Variants in CASZ1 observed in about 807,000 individuals in gnomAD.
The protein encoded by CASZ1 is castor zinc finger 1.
Under a neutral mutation model 135.2 loss-of-function variants are expected in CASZ1, and 28 were observed. The observed-to-expected ratio is 0.21, with a 90% CI of 0.15 to 0.28. CASZ1 has a LOEUF of 0.28. Among genes scored for constraint, CASZ1 ranks in the 10% least tolerant of loss-of-function variants. The pLI is 1.00. For missense variants in CASZ1, 2,161 were observed against 2,453.3 expected, an observed-to-expected ratio of 0.88 and a Z score of 2.52; for synonymous variants, 1,068 against 1,073.4, an observed-to-expected ratio of 0.99 and a Z score of 0.10.
intron 4 of CASZ1, among the ~76,000 whole-genome samples, chr1:10,667,029 G>A (rs1643257990): frequency 6.6e-6 from 1 of 152,210 alleles, no homozygotes. Context: ...GGAAGGCTGA[G>A]GGCAGGGCCC....
Position 10,640,027 on chromosome 1 carries a change from C to A in CASZ1, c.4195G>T (p.Ala1399Ser). ...NTISMPTASGAKKRFWIIEDM... is the reference protein window; with the variant it reads ...NTISMPTASGSKKRFWIIEDM... Reference sequence around the variant, plus strand: ...TCGATGATCCAGAAGCGCTTTTTGGCCCCCGAGGCTGTCGGCATAGAGATG... The same window carrying A: ...TCGATGATCCAGAAGCGCTTTTTGGACCCCGAGGCTGTCGGCATAGAGATG... The change falls in exon 21 of 21, where the codon GCC becomes TCC. Residue 1399 changes from alanine to serine, a missense_variant. Around this residue, in one of 7 missense-constraint regions of CASZ1, gnomAD observed 143 missense variants for 128.3 expected, o/e 1.11. Coordinates refer to ENST00000377022, the MANE Select transcript of CASZ1 (RefSeq NM_001079843.3). The A allele has an allele frequency of 6.2e-7, 1 of 1,610,204 alleles. No homozygotes were observed. Among genetic ancestry groups the A allele is most frequent in the Non-Finnish European group, 8.5e-7 (1 of 1,179,694 alleles).
In CASZ1 at chr1:10,673,431, G is replaced by A. The variant is rs117537361; in HGVS notation, c.17-7860C>T. On this transcript the variant is annotated intron_variant, in intron 4 of 20. Coordinates refer to ENST00000377022, the MANE Select transcript of CASZ1 (RefSeq NM_001079843.3). ...ACAGCCTTCTTATCCGCCAGGGAGG[G>A]GGAGGTTGTGTGTGTGCACACACGC... 5.9e-5 allele frequency among the ~76,000 whole-genome samples: 9 copies of A among 152,172 alleles called. No individual in the cohort carries two copies. In the East Asian group the frequency reaches 1.8e-3, roughly 30 times the overall value.
At chr1:10,650,624 C>G in intron 13 of CASZ1, 68 bp downstream of exon 13, 1 of 1,327,632 alleles carries the variant, frequency 7.5e-7, no homozygotes, top group Non-Finnish European at 1.1e-6. Context: ...ACACATCCCC[C>G]CACCCCCCAG....
chr1:10,735,658 G>C lies in CASZ1; in HGVS notation c.-77+25043C>G, dbSNP rs911137748. ...CCGGTTTCTGTGCCCTGAGCTCTCA[G>C]AGAACCCACCACAGATGGCCAGCTG... On this transcript the variant is annotated intron_variant, in intron 2 of 20. Coordinates refer to ENST00000377022, the MANE Select transcript of CASZ1 (RefSeq NM_001079843.3). This position sits in a 1 kb window ranked among gnomAD's most constrained non-coding sequence, Gnocchi z 5.1. Among the ~76,000 whole-genome samples, 6 of 152,218 alleles carry C rather than the reference G, an allele frequency of 3.9e-5. No homozygotes were observed. The highest frequency in any genetic ancestry group is 1.4e-4 in the African/African-American group (6 of 41,456).
At chr1:10,641,479 G>A (rs937457716) in intron 20 of CASZ1, among the ~76,000 whole-genome samples, 13 of 152,246 alleles carry the variant, frequency 8.5e-5, no homozygotes, top group African/African-American at 3.1e-4. Flanking sequence ...ATCAGATATG[G>A]GGGTGGGATG....
Position 10,639,049 on chromosome 1 carries a change from C to G in CASZ1, c.5173G>C (p.Glu1725Gln), listed in dbSNP as rs1289618726. ...LRTDSEESLP[E>Q]AAAEAAGAGA... ...GCGCCCGCCGCCTCCGCCGCCGCCT[C>G]GGGCAGCGACTCCTCCGAGTCGGTG... Residue 1725 changes from glutamate to glutamine, a missense_variant, in exon 21 of 21, where the codon GAG becomes CAG. Physicochemically the swap from Glu to Gln is conservative, Grantham distance 29. This residue lies in a region of CASZ1 where 185 missense variants were observed against 134.7 expected (regional missense o/e 1.37). Coordinates refer to ENST00000377022, the MANE Select transcript of CASZ1 (RefSeq NM_001079843.3). The surrounding 1 kb of genome is among the most constrained non-coding windows in gnomAD (Gnocchi z 4.0). 2 of 1,069,640 alleles carry G rather than the reference C, an allele frequency of 1.9e-6. No homozygotes were observed. The highest frequency in any genetic ancestry group is 2.6e-5 in the South Asian group (1 of 38,828). 66.3% of individuals were successfully genotyped at this position (1,069,640 alleles called of 1,614,324 possible). A position where few individuals can be genotyped will look rare whatever the true frequency, so the allele number is the denominator to read the frequency against.
At position 10,711,512 on chromosome 1, in the gene CASZ1, C is replaced by A. The variant is rs775377177; in HGVS notation, c.-76-5968G>T. Among the ~76,000 whole-genome samples, 6 of 151,646 alleles carry A rather than the reference C, an allele frequency of 4.0e-5. No homozygotes were observed. The highest frequency in any genetic ancestry group is 8.8e-5 in the Non-Finnish European group (6 of 67,986). ...CTCTTATTAGTTTCCAGGGTCCCTGCCTTTAAGAAGCTAGGAGAGATGGTG... is the reference window on the plus strand; with the variant it reads ...CTCTTATTAGTTTCCAGGGTCCCTGACTTTAAGAAGCTAGGAGAGATGGTG... On this transcript the variant is annotated intron_variant, in intron 2 of 20. Transcript: ENST00000377022. This position sits in a 1 kb window ranked among gnomAD's most constrained non-coding sequence, Gnocchi z 4.4.
intron 4 of CASZ1, among the ~76,000 whole-genome samples, chr1:10,667,492 C>A (rs953868187): frequency 8.5e-5 from 13 of 152,298 alleles, no homozygotes; most frequent in Middle Eastern, 3.4e-3. Context: ...GATGCGGGGC[C>A]CCTCTCGAAG....
intron 2 of CASZ1, among the ~76,000 whole-genome samples, chr1:10,722,401 G>A (rs1014591708): frequency 6.6e-6 from 1 of 152,238 alleles, no homozygotes; most frequent in Non-Finnish European, 1.5e-5. Flanking sequence ...CCCTAAAGCA[G>A]CCTTCCGTCC....
At chr1:10,732,937 C>A (rs1446267564) in intron 2 of CASZ1, among the ~76,000 whole-genome samples, 1 of 152,014 alleles carries the variant, frequency 6.6e-6, no homozygotes, top group African/African-American at 2.4e-5. Flanking sequence ...TAATTATCTT[C>A]CCCCACTGGT....
chr1:10,745,378 A>G (rs902083275), intron 2 of CASZ1, among the ~76,000 whole-genome samples: 8 of 137,208 alleles, frequency 5.8e-5, no homozygotes, highest in Non-Finnish European at 1.1e-4. Flanking sequence ...TGCGAGAGTA[A>G]GCCACAGTAC....
chr1:10,695,285 G>T (rs1393779839), intron 3 of CASZ1, among the ~76,000 whole-genome samples: 1 of 152,032 alleles, frequency 6.6e-6, no homozygotes, highest in Non-Finnish European at 1.5e-5. Flanking sequence ...TTTCCTCGGC[G>T]TTGCTTTGGT....
At chr1:10,740,138 G>A (rs919344001) in intron 2 of CASZ1, among the ~76,000 whole-genome samples, 2 of 152,234 alleles carry the variant, frequency 1.3e-5, no homozygotes, top group South Asian at 2.1e-4. Flanking sequence ...CATAGGATAC[G>A]AGTTACCGAT....
chr1:10,647,461 G>A lies in CASZ1; in HGVS notation c.3497+340C>T. Reference sequence around the variant, plus strand: ...AGGAGGCCAATACGGAGGCTCGGAGGGAGACGCAGCCCTCCTTGTCAGGCT... The same window carrying A: ...AGGAGGCCAATACGGAGGCTCGGAGAGAGACGCAGCCCTCCTTGTCAGGCT... On this transcript the variant is annotated intron_variant, in intron 16 of 20. Coordinates refer to ENST00000377022, the MANE Select transcript of CASZ1 (RefSeq NM_001079843.3). This position sits in a 1 kb window ranked among gnomAD's most constrained non-coding sequence, Gnocchi z 4.9. 8.2e-7 allele frequency: 1 copy of A among 1,215,042 alleles called. No homozygotes were observed. Among genetic ancestry groups the A allele is most frequent in the East Asian group, 5.0e-5 (1 of 20,044 alleles). 75.3% of individuals were successfully genotyped at this position (1,215,042 alleles called of 1,614,324 possible).
chr1:10,715,849 CCCG>C (rs1639376094), intron 2 of CASZ1, among the ~76,000 whole-genome samples: 1 of 126,378 alleles, frequency 7.9e-6, no homozygotes, highest in Non-Finnish European at 1.6e-5. Context: ...CAATCCACTC[CCCG>C]CAGCACCCAA....
At chr1:10,771,657 T>TTCC (rs34581008) in intron 1 of CASZ1, among the ~76,000 whole-genome samples, 37 of 150,790 alleles carry the variant, frequency 2.5e-4, no homozygotes, top group African/African-American at 5.6e-4. Flanking sequence ...TTTCACCTCT[T>TTCC]TCCTCCTCCT....
At chr1:10,689,901 G>T (rs1352360366) in intron 4 of CASZ1, among the ~76,000 whole-genome samples, 1 of 152,218 alleles carries the variant, frequency 6.6e-6, no homozygotes, top group Non-Finnish European at 1.5e-5. Flanking sequence ...ACAAACCTCT[G>T]TTTGAATGGT....
intron 3 of CASZ1, among the ~76,000 whole-genome samples, chr1:10,702,962 C>CAG (rs142859359): frequency 0.016 from 2,251 of 142,796 alleles, 68 homozygotes; most frequent in East Asian, 0.15. Flanking sequence ...GAGGGAGAGG[C>CAG]AGAGAGAGAG....
At position 10,755,419 on chromosome 1, in the gene CASZ1, G is replaced by A. The variant is rs1640233109; in HGVS notation, c.-77+5282C>T. 6.6e-6 allele frequency among the ~76,000 whole-genome samples: 1 copy of A among 152,168 alleles called. No individual in the cohort carries two copies. The highest frequency in any genetic ancestry group is 1.5e-5 in the Non-Finnish European group (1 of 68,028). ...AGCCTCTCTCACTGTGGGCACTCAGGGACAGAGGCAGGGCAGAGGCGCTTC... is the reference window on the plus strand; with the variant it reads ...AGCCTCTCTCACTGTGGGCACTCAGAGACAGAGGCAGGGCAGAGGCGCTTC... On this transcript the variant is annotated intron_variant, in intron 2 of 20. Transcript: ENST00000377022. This position sits in a 1 kb window ranked among gnomAD's most constrained non-coding sequence, Gnocchi z 4.3.
Sources: allele counts gnomAD v4.1 joint callset (sites outside exome capture counted in the v4.1 genomes callset), GRCh38; gene constraint gnomAD v4.1.1; regional missense constraint gnomAD v4.1.1; non-coding constraint Gnocchi (gnomAD v3.1); transcripts MANE v1.5; gene names NCBI Gene and HGNC (gene_info 2026-07-23, HGNC 2026-07-21).